Variants in NALF1 observed in about 807,000 individuals in gnomAD.
The protein encoded by NALF1 is NALCN channel auxiliary factor 1.
In NALF1, 3 loss-of-function variants were observed where a neutral mutation model predicts 48.4. That is an observed-to-expected ratio of 0.06 (90% CI 0.03 to 0.16). The LOEUF (loss-of-function observed/expected upper bound fraction) is 0.16. Ranked by LOEUF, NALF1 falls within the 10% of genes least tolerant of loss-of-function variation. The pLI is 1.00. For missense variants in NALF1, 526 were observed against 571.5 expected, an observed-to-expected ratio of 0.92 and a Z score of 0.81; for synonymous variants, 262 against 245.7, an observed-to-expected ratio of 1.07 and a Z score of -0.62.
chr13:107,624,597 T>C (rs1879614566), intron 1 of NALF1, among the ~76,000 whole-genome samples: 1 of 152,200 alleles, frequency 6.6e-6, no homozygotes, highest in Non-Finnish European at 1.5e-5. Context: ...AGCAGAGCAC[T>C]TTAATATATA....
chr13:107,609,886 G>A (rs1879181258), intron 1 of NALF1, among the ~76,000 whole-genome samples: 1 of 152,174 alleles, frequency 6.6e-6, no homozygotes, highest in Non-Finnish European at 1.5e-5. Context: ...ATACATATGT[G>A]TGTGTGTTTC....
chr13:107,726,609 C>CTT (rs747619499), intron 1 of NALF1, among the ~76,000 whole-genome samples: 22 of 98,568 alleles, frequency 2.2e-4, no homozygotes, highest in African/African-American at 6.8e-4. Flanking sequence ...AAGGCAAATT[C>CTT]TTTTTTTTTT....
intron 1 of NALF1, among the ~76,000 whole-genome samples, chr13:107,449,531 G>T (rs1884706676): frequency 6.6e-6 from 1 of 152,206 alleles, no homozygotes; most frequent in African/African-American, 2.4e-5. Context: ...AATATAGCAT[G>T]CCTTTTAAAA....
rs371623936 is a variant in NALF1, at chr13:107,644,239, T to C, written c.915+221443A>G. Among the ~76,000 whole-genome samples, 9 of 152,150 alleles carry C rather than the reference T, an allele frequency of 5.9e-5. No homozygotes were observed. In the South Asian group the frequency reaches 1.9e-3, roughly 32 times the overall value. On this transcript the variant is annotated intron_variant, in intron 1 of 2. Coordinates refer to ENST00000375915, the MANE Select transcript of NALF1 (RefSeq NM_001080396.3). ...GAACGCCAAGGTGAATTTTTAATGA[T>C]AGGTTTACACAGTTGTGTGATAGCT... is the stretch of plus-strand genomic sequence containing the variant.
intron 1 of NALF1, among the ~76,000 whole-genome samples, chr13:107,595,192 T>A (rs990299194): frequency 3.9e-5 from 6 of 152,110 alleles, no homozygotes; most frequent in Non-Finnish European, 5.9e-5. Flanking sequence ...ACTTTCAACC[T>A]AGTCATTTGG....
At chr13:107,589,254 T>A (rs886803600) in intron 1 of NALF1, among the ~76,000 whole-genome samples, 5 of 152,028 alleles carry the variant, frequency 3.3e-5, no homozygotes, top group Non-Finnish European at 4.4e-5. Flanking sequence ...AGAAGATAAA[T>A]CTGAATGTAC....
chr13:107,797,173 C>T (rs1399768796), intron 1 of NALF1, among the ~76,000 whole-genome samples: 1 of 151,928 alleles, frequency 6.6e-6, no homozygotes, highest in Non-Finnish European at 1.5e-5. Flanking sequence ...TTTATTTTTA[C>T]ATTTCTATTC....
chr13:107,406,809 A>G (rs926523724), intron 1 of NALF1, among the ~76,000 whole-genome samples: 1 of 152,108 alleles, frequency 6.6e-6, no homozygotes, highest in African/African-American at 2.4e-5. Flanking sequence ...AGAATAAACA[A>G]AGCTATCATA....
At chr13:107,465,470 T>C (rs986813659) in intron 1 of NALF1, among the ~76,000 whole-genome samples, 7 of 152,178 alleles carry the variant, frequency 4.6e-5, no homozygotes, top group Admixed American at 3.9e-4. Flanking sequence ...CTCTGTGCTC[T>C]GGGAAAACCT....
At chr13:107,774,523 C>T (rs754169280) in intron 1 of NALF1, among the ~76,000 whole-genome samples, 1 of 152,210 alleles carries the variant, frequency 6.6e-6, no homozygotes. Flanking sequence ...TAAAACCTCT[C>T]TGAGACTAAA....
In NALF1 at chr13:107,170,683, G is replaced by A; in HGVS notation, c.1191C>T (p.Gly397=). ...NPSKGTVEKS[G]SCHRTSLTVS... Reference sequence around the variant, plus strand: ...CTGTGAGCGATGTCCTGTGACAGGAGCCACTTTTCTCTACGGTCCCTTTGG... The same window carrying A: ...CTGTGAGCGATGTCCTGTGACAGGAACCACTTTTCTCTACGGTCCCTTTGG... Residue 397 remains glycine (G), a synonymous_variant, in exon 3 of 3, where the codon GGC becomes GGT. Coordinates refer to ENST00000375915, the MANE Select transcript of NALF1 (RefSeq NM_001080396.3). 6.2e-7 allele frequency: 1 copy of A among 1,614,192 alleles called. No individual in the cohort carries two copies. The highest frequency in any genetic ancestry group is 8.5e-7 in the Non-Finnish European group (1 of 1,180,032).
intron 1 of NALF1, among the ~76,000 whole-genome samples, chr13:107,522,384 G>A (rs952664789): frequency 2.0e-5 from 3 of 151,712 alleles, no homozygotes; most frequent in Non-Finnish European, 4.4e-5. Flanking sequence ...ATAGTTTTAG[G>A]TGTCTAATCT....
chr13:107,256,060 C>T (rs1236671414), intron 1 of NALF1, among the ~76,000 whole-genome samples: 3 of 152,086 alleles, frequency 2.0e-5, no homozygotes, highest in East Asian at 1.9e-4. Flanking sequence ...CTACTCATCC[C>T]GGCTCCAGAA....
At chr13:107,392,073 G>A (rs887610014) in intron 1 of NALF1, among the ~76,000 whole-genome samples, 6 of 151,988 alleles carry the variant, frequency 3.9e-5, no homozygotes, top group African/African-American at 4.8e-5. Context: ...AAAAATTGTC[G>A]AACTTTATTT....
intron 1 of NALF1, among the ~76,000 whole-genome samples, chr13:107,469,372 T>C (rs1189036225): frequency 6.6e-6 from 1 of 152,124 alleles, no homozygotes; most frequent in Non-Finnish European, 1.5e-5. Context: ...AGAGACATGA[T>C]TGTTATATGC....
chr13:107,344,730 A>G (rs1319668010), intron 1 of NALF1, among the ~76,000 whole-genome samples: 13 of 152,188 alleles, frequency 8.5e-5, no homozygotes, highest in Non-Finnish European at 1.5e-5. Flanking sequence ...ATTATATTCA[A>G]TGGTTAAAAA....
At chr13:107,303,710 GA>G (rs1162075048) in intron 1 of NALF1, among the ~76,000 whole-genome samples, 10 of 152,136 alleles carry the variant, frequency 6.6e-5, no homozygotes, top group African/African-American at 1.7e-4. Flanking sequence ...TAAAATTCAC[GA>G]AGCATTAAGT....
Position 107,637,405 on chromosome 13 carries a change from T to A in NALF1, c.915+228277A>T, listed in dbSNP as rs548514787. Among the ~76,000 whole-genome samples, 15 of 152,276 alleles carry A rather than the reference T, an allele frequency of 9.9e-5. No individual in the cohort carries two copies. In the South Asian group the frequency reaches 1.7e-3, roughly 17 times the overall value. On this transcript the variant is annotated intron_variant, in intron 1 of 2. Coordinates refer to ENST00000375915, the MANE Select transcript of NALF1 (RefSeq NM_001080396.3). ...TAACCAAACCACAACATAAATCTAC[T>A]ACTATTTCAAGGTACTTCCTTCCAA...
intron 1 of NALF1, among the ~76,000 whole-genome samples, chr13:107,781,553 T>C (rs148917113): frequency 1.4e-3 from 220 of 152,142 alleles, no homozygotes; most frequent in African/African-American, 5.1e-3. Flanking sequence ...TAACATTACA[T>C]ATTTGAATTG....
Sources: gnomAD v4.1 joint callset for allele counts (sites outside exome capture counted in the v4.1 genomes callset) on GRCh38, gnomAD v4.1.1 for gene constraint, MANE v1.5 for transcripts, NCBI Gene and HGNC (gene_info 2026-07-23, HGNC 2026-07-21) for gene names.